The following GPR107 variants were observed in gnomAD, a reference collection of about 807,000 sequenced individuals.
GPR107 encodes protein GPR107.
A neutral mutation model predicts 75.5 loss-of-function variants in GPR107; 31 were observed. The observed-to-expected ratio is 0.41, with a 90% CI of 0.31 to 0.55. The LOEUF is 0.55. Among genes scored for constraint, GPR107 ranks in the 20% least tolerant of loss-of-function variants. The pLI, the probability that GPR107 is intolerant of heterozygous loss-of-function variation, is 0.26. For synonymous variants in GPR107, 267 were observed against 251.3 expected (o/e 1.06, Z -0.59); for missense variants, 572 against 665.7 (o/e 0.86, Z 1.55).
At chr9:130,115,077 A>T (rs1004806650) in intron 14 of GPR107, among the ~76,000 whole-genome samples, 2 of 152,198 alleles carry the variant, frequency 1.3e-5, no homozygotes, top group Admixed American at 6.5e-5. Flanking sequence ...GCTGCAACTC[A>T]TGTTTATATA....
intron 17 of GPR107, chr9:130,129,705 G>A (rs1051803090): frequency 6.6e-6 from 1 of 152,346 alleles, no homozygotes; most frequent in Non-Finnish European, 1.5e-5. Context: ...CAGGATCTGA[G>A]CAAGTGTCTG....
intron 14 of GPR107, among the ~76,000 whole-genome samples, chr9:130,113,565 C>CA (rs1831355815): frequency 6.6e-6 from 1 of 152,250 alleles, no homozygotes; most frequent in East Asian, 1.9e-4. Flanking sequence ...ATGATGTAAG[C>CA]AGAGGTGATA....
intron 3 of GPR107, among the ~76,000 whole-genome samples, 192 bp from the exon 4 acceptor site, chr9:130,077,107 C>T (rs1015733136): frequency 5.3e-5 from 8 of 151,048 alleles, no homozygotes; most frequent in African/African-American, 1.2e-4. Flanking sequence ...AGGATGGTCT[C>T]GATCTCCTGA....
intron 5 of GPR107, among the ~76,000 whole-genome samples, chr9:130,080,990 A>G (rs1014178834): frequency 6.6e-6 from 1 of 151,300 alleles, no homozygotes. Context: ...TGGGAGGATC[A>G]CTTGAGTCTA....
intron 1 of GPR107, among the ~76,000 whole-genome samples, chr9:130,062,247 T>C (rs7870181): frequency 0.59 from 88,842 of 151,002 alleles, 26,168 homozygotes; most frequent in East Asian, 0.81. Flanking sequence ...ACCCCATCTC[T>C]ACTAAAAATA....
At chr9:130,081,637 C>T (rs544629869) in intron 5 of GPR107, among the ~76,000 whole-genome samples, 1 of 150,680 alleles carries the variant, frequency 6.6e-6, no homozygotes, top group African/African-American at 2.4e-5. Flanking sequence ...CGCACCACTG[C>T]ACTCCAGCCT....
chr9:130,100,956 G>A, intron 11 of GPR107, 150 bp from the exon 12 acceptor site: 1 of 682,454 alleles, frequency 1.5e-6, no homozygotes, highest in Non-Finnish European at 2.7e-6. Flanking sequence ...TGCCCTGAAG[G>A]AAGTGGTGCT....
intron 9 of GPR107, among the ~76,000 whole-genome samples, chr9:130,098,258 G>A (rs1025942746): frequency 6.6e-6 from 1 of 152,136 alleles, no homozygotes; most frequent in African/African-American, 2.4e-5. Flanking sequence ...TTAATGCCCG[G>A]CAGCCGAAAG....
intron 1 of GPR107, among the ~76,000 whole-genome samples, chr9:130,062,656 G>GCCTT (rs1564657698): frequency 1.1e-4 from 5 of 46,098 alleles, no homozygotes; most frequent in Non-Finnish European, 1.9e-4. Context: ...CTGCCTGCCT[G>GCCTT]CCTGCCTTCC....
At chr9:130,090,427 A>G (rs1830705489) in intron 7 of GPR107, among the ~76,000 whole-genome samples, 1 of 152,226 alleles carries the variant, frequency 6.6e-6, no homozygotes, top group Non-Finnish European at 1.5e-5. Context: ...TATAAAGAGC[A>G]AAATAATACG....
intron 4 of GPR107, 85 bp downstream of exon 4, chr9:130,077,463 T>C (rs1197080173): frequency 2.6e-6 from 2 of 770,618 alleles, no homozygotes; most frequent in East Asian, 2.5e-5. Context: ...CTTGGGTGTC[T>C]GCCATGTGCC....
intron 7 of GPR107, among the ~76,000 whole-genome samples, chr9:130,087,742 C>A (rs1830647279): frequency 1.4e-5 from 2 of 143,906 alleles, no homozygotes; most frequent in African/African-American, 5.2e-5. Flanking sequence ...GGTCAAGGTT[C>A]ACACAGTGAA....
intron 8 of GPR107, among the ~76,000 whole-genome samples, chr9:130,091,578 G>A (rs1830739662): frequency 6.6e-6 from 1 of 150,552 alleles, no homozygotes; most frequent in Non-Finnish European, 1.5e-5. Context: ...GCCCAGGCTG[G>A]AGTGCAATGG....
intron 1 of GPR107, among the ~76,000 whole-genome samples, chr9:130,066,195 A>G (rs1372396904): frequency 6.6e-6 from 1 of 152,124 alleles, no homozygotes; most frequent in African/African-American, 2.4e-5. Context: ...GCTACTTGGG[A>G]GGATGAGGCA....
At chr9:130,060,580 C>T (rs867710978) in intron 1 of GPR107, among the ~76,000 whole-genome samples, 7 of 151,874 alleles carry the variant, frequency 4.6e-5, no homozygotes, top group African/African-American at 1.2e-4. Context: ...CCACTGTGCT[C>T]GGCTAATCTG....
intron 12 of GPR107, among the ~76,000 whole-genome samples, chr9:130,102,554 T>C (rs1831061134): frequency 6.6e-6 from 1 of 152,112 alleles, no homozygotes; most frequent in African/African-American, 2.4e-5. Flanking sequence ...ACAATAGAAC[T>C]AGTCTGGGAG....
intron 15 of GPR107, among the ~76,000 whole-genome samples, chr9:130,126,001 G>C (rs969183996): frequency 4.7e-5 from 7 of 150,218 alleles, no homozygotes; most frequent in Admixed American, 6.7e-5. Flanking sequence ...GTTGCAGTAA[G>C]CCGAGATAGA....
chr9:130,104,403 A>G lies in GPR107; in HGVS notation c.1132-17A>G. 3 of 1,613,344 alleles carry G rather than the reference A, an allele frequency of 1.9e-6. No individual in the cohort carries two copies. The highest frequency in any genetic ancestry group is 2.5e-6 in the Non-Finnish European group (3 of 1,179,414). ...CCACCCATGCTTTGGGGCCTCAGCAACTTCTCATGTCTGTAGGTCCTGGCA... is the reference window on the plus strand; with the variant it reads ...CCACCCATGCTTTGGGGCCTCAGCAGCTTCTCATGTCTGTAGGTCCTGGCA... On this transcript the variant is annotated splice_polypyrimidine_tract_variant and intron_variant, in intron 12 of 17. Transcript: ENST00000347136.
At chr9:130,086,366 T>C in intron 6 of GPR107, 54 bp from the exon 7 acceptor site, 1 of 695,680 alleles carries the variant, frequency 1.4e-6, no homozygotes, top group Non-Finnish European at 2.3e-6. Flanking sequence ...TTACTTTTAA[T>C]TAGCATGCTT....
Sources: gnomAD v4.1 joint callset for allele counts (sites outside exome capture counted in the v4.1 genomes callset) on GRCh38, gnomAD v4.1.1 for gene constraint, MANE v1.5 for transcripts, NCBI Gene and HGNC (gene_info 2026-07-23, HGNC 2026-07-21) for gene names.